The following CNTN4 variants were observed in gnomAD, a reference collection of about 807,000 sequenced individuals.
CNTN4 encodes contactin-4.
Under a neutral mutation model 122.5 loss-of-function variants are expected in CNTN4, and 77 were observed. The observed-to-expected ratio is 0.63, with a 90% CI of 0.52 to 0.76. The LOEUF is 0.76. Ranked by LOEUF, CNTN4 falls within the 30% of genes least tolerant of loss-of-function variation. The probability of loss-of-function intolerance (pLI) is 0.00; values close to 1 mark genes in which losing one functional copy is unlikely to be tolerated. For synonymous variants in CNTN4, 512 were observed against 447.0 expected (o/e 1.15, Z -1.83); for missense variants, 1,256 against 1,259.1 (o/e 1.00, Z 0.04).
At chr3:2,903,743 C>T (rs887993155) in intron 12 of CNTN4, among the ~76,000 whole-genome samples, 3 of 152,272 alleles carry the variant, frequency 2.0e-5, no homozygotes, top group East Asian at 1.9e-4. Context: ...TTACAGTTTA[C>T]ACTTTTTTTT....
chr3:2,402,604 A>T (rs936450849), intron 3 of CNTN4, among the ~76,000 whole-genome samples: 7 of 152,034 alleles, frequency 4.6e-5, no homozygotes, highest in Non-Finnish European at 8.8e-5. Context: ...ACAATAAATT[A>T]TTGTTAACTA....
At chr3:2,262,227 G>C (rs1022472139) in intron 2 of CNTN4, 1 of 152,056 alleles carries the variant, frequency 6.6e-6, no homozygotes, top group Admixed American at 6.6e-5. Flanking sequence ...TCTCCAACTG[G>C]ACCAATTTTT....
At chr3:2,217,840 C>T (rs974210518) in intron 2 of CNTN4, among the ~76,000 whole-genome samples, 23 of 152,080 alleles carry the variant, frequency 1.5e-4, no homozygotes, top group African/African-American at 4.6e-4. Flanking sequence ...AACATACCCA[C>T]GAGTATATTA....
At chr3:2,252,203 G>C (rs2040404690) in intron 2 of CNTN4, among the ~76,000 whole-genome samples, 1 of 151,862 alleles carries the variant, frequency 6.6e-6, no homozygotes, top group African/African-American at 2.4e-5. Context: ...CTCCAACATA[G>C]TTGAGTGGTG....
chr3:2,659,592 A>G (rs1488300536), intron 4 of CNTN4, among the ~76,000 whole-genome samples: 2 of 152,114 alleles, frequency 1.3e-5, no homozygotes, highest in African/African-American at 2.4e-5. Flanking sequence ...TATAAAGATC[A>G]GTGAATTCTA....
chr3:2,653,625 T>C (rs1303705987), intron 4 of CNTN4, among the ~76,000 whole-genome samples: 1 of 152,204 alleles, frequency 6.6e-6, no homozygotes, highest in East Asian at 1.9e-4. Context: ...CTTTCTCCTA[T>C]TTTCTCTCTA....
chr3:2,659,898 A>G (rs1182810152), intron 4 of CNTN4, among the ~76,000 whole-genome samples: 1 of 152,236 alleles, frequency 6.6e-6, no homozygotes, highest in African/African-American at 2.4e-5. Context: ...TCCTGTTCAG[A>G]TACATCGAAC....
chr3:2,206,103 T>C (rs1200846519), intron 2 of CNTN4, among the ~76,000 whole-genome samples: 1 of 152,122 alleles, frequency 6.6e-6, no homozygotes, highest in Non-Finnish European at 1.5e-5. Context: ...TTCTTTTTCC[T>C]TCCATGGACC....
chr3:2,638,921 T>C (rs780978087), intron 4 of CNTN4, among the ~76,000 whole-genome samples: 2 of 152,208 alleles, frequency 1.3e-5, no homozygotes, highest in Non-Finnish European at 2.9e-5. Context: ...CCACCTTCCA[T>C]GCTACCATTC....
At chr3:2,309,126 A>G (rs2042823597) in intron 2 of CNTN4, among the ~76,000 whole-genome samples, 1 of 151,752 alleles carries the variant, frequency 6.6e-6, no homozygotes. Context: ...CCCTTCCTCT[A>G]TTTTGAGTCT....
At chr3:3,043,971 C>T (rs974554184) in intron 23 of CNTN4, among the ~76,000 whole-genome samples, 3 of 152,168 alleles carry the variant, frequency 2.0e-5, no homozygotes, top group Admixed American at 2.0e-4. Context: ...TCCAAAAATA[C>T]CCTGAAGAAC....
intron 14 of CNTN4, among the ~76,000 whole-genome samples, chr3:3,018,586 G>A (rs760528667): frequency 1.3e-5 from 2 of 152,136 alleles, no homozygotes; most frequent in Non-Finnish European, 2.9e-5. Flanking sequence ...TGGCAATGTT[G>A]GCAGATTGGT....
chr3:2,904,973 C>T (rs761148093), intron 12 of CNTN4, among the ~76,000 whole-genome samples: 1 of 152,032 alleles, frequency 6.6e-6, no homozygotes, highest in Non-Finnish European at 1.5e-5. Context: ...AGAAAAGCTG[C>T]TTAATGATTT....
chr3:2,430,616 CAAAA>C (rs10662868), intron 3 of CNTN4, among the ~76,000 whole-genome samples: 1 of 103,358 alleles, frequency 9.7e-6, no homozygotes, highest in African/African-American at 3.7e-5. Flanking sequence ...AGCAAATTAC[CAAAA>C]AAAAAAAAAA....
At chr3:2,622,692 T>A (rs111628262) in intron 4 of CNTN4, among the ~76,000 whole-genome samples, 4 of 152,358 alleles carry the variant, frequency 2.6e-5, no homozygotes, top group African/African-American at 9.6e-5. Flanking sequence ...CCAGACCTTT[T>A]GAGTTCTTCA....
chr3:2,884,245 A>G (rs1306196881), intron 9 of CNTN4, among the ~76,000 whole-genome samples: 1 of 151,946 alleles, frequency 6.6e-6, no homozygotes, highest in Non-Finnish European at 1.5e-5. Flanking sequence ...GGCAACACTA[A>G]CTCCACCAAT....
At chr3:2,635,110 T>C (rs1397410279) in intron 4 of CNTN4, among the ~76,000 whole-genome samples, 1 of 152,196 alleles carries the variant, frequency 6.6e-6, no homozygotes, top group African/African-American at 2.4e-5. Flanking sequence ...GCGATGTTGC[T>C]GTATTACACT....
At chr3:3,008,395 T>A (rs1436723262) in intron 14 of CNTN4, among the ~76,000 whole-genome samples, 2 of 152,198 alleles carry the variant, frequency 1.3e-5, no homozygotes, top group African/African-American at 4.8e-5. Flanking sequence ...AGAGTTGGAT[T>A]TTTTAAGACT....
intron 15 of CNTN4, among the ~76,000 whole-genome samples, chr3:3,030,203 C>T (rs1388626604): frequency 6.6e-6 from 1 of 152,072 alleles, no homozygotes; most frequent in Non-Finnish European, 1.5e-5. Flanking sequence ...ACTGTGCTGG[C>T]GAATGCTGGA....
Sources: gnomAD v4.1 joint callset for allele counts (sites outside exome capture counted in the v4.1 genomes callset) on GRCh38, gnomAD v4.1.1 for gene constraint, MANE v1.5 for transcripts, NCBI Gene and HGNC (gene_info 2026-07-23, HGNC 2026-07-21) for gene names.